The following PLPPR1 variants were observed in gnomAD, a reference collection of about 807,000 sequenced individuals.
PLPPR1 encodes the protein phospholipid phosphatase related 1.
A neutral mutation model predicts 33.1 loss-of-function variants in PLPPR1; 10 were observed. The observed-to-expected ratio is 0.30, with a 90% CI of 0.19 to 0.51. The LOEUF (loss-of-function observed/expected upper bound fraction) is 0.51, where lower values mean the gene tolerates loss of function less well. Ranked by LOEUF, PLPPR1 falls within the 20% of genes least tolerant of loss-of-function variation. The probability of loss-of-function intolerance (pLI) is 0.97; values close to 1 mark genes in which losing one functional copy is unlikely to be tolerated. For synonymous variants in PLPPR1, 151 were observed against 151.0 expected (o/e 1.00, Z 0.00); for missense variants, 304 against 408.1 (o/e 0.74, Z 2.20).
At position 101,296,309 on chromosome 9, in the gene PLPPR1, G is replaced by A. The variant is rs532319954; in HGVS notation, c.385+10073G>A. ...AAAAGTCAGGAAACAACAGGTGCTG[G>A]AGAGGATGTGCAGAAATAGGAACAC... On this transcript the variant is annotated intron_variant, in intron 4 of 7. Coordinates refer to ENST00000374874, the MANE Select transcript of PLPPR1 (RefSeq NM_207299.2). Among the ~76,000 whole-genome samples the A allele has an allele frequency of 2.6e-5, 4 of 152,010 alleles. No homozygotes were observed. In the South Asian group the frequency reaches 8.3e-4, roughly 32 times the overall value.
chr9:101,112,451 C>T (rs965743563), intron 1 of PLPPR1, among the ~76,000 whole-genome samples: 3 of 152,170 alleles, frequency 2.0e-5, no homozygotes. Flanking sequence ...CTATTGTTCT[C>T]ATCTAAAAAT....
intron 1 of PLPPR1, among the ~76,000 whole-genome samples, chr9:101,172,922 A>G (rs1391054455): frequency 1.3e-5 from 2 of 151,792 alleles, no homozygotes; most frequent in East Asian, 1.9e-4. Flanking sequence ...CTTGAATACC[A>G]TTGTCTCATT....
chr9:101,148,958 C>G (rs1831552273), intron 1 of PLPPR1, among the ~76,000 whole-genome samples: 1 of 152,202 alleles, frequency 6.6e-6, no homozygotes, highest in African/African-American at 2.4e-5. Context: ...TTTATTAGCA[C>G]TCTCTTCCCC....
intron 2 of PLPPR1, among the ~76,000 whole-genome samples, chr9:101,243,111 C>CAA (rs979481673): frequency 6.6e-6 from 1 of 151,888 alleles, no homozygotes. Flanking sequence ...AAGTGAGACA[C>CAA]ATGTAGGTAA....
At chr9:101,099,696 G>A (rs560971829) in intron 1 of PLPPR1, among the ~76,000 whole-genome samples, 9 of 152,246 alleles carry the variant, frequency 5.9e-5, no homozygotes, top group Admixed American at 3.9e-4. Flanking sequence ...ATGACCATGC[G>A]TATGTTATAT....
At chr9:101,216,964 A>G (rs908489940) in intron 2 of PLPPR1, among the ~76,000 whole-genome samples, 1 of 152,236 alleles carries the variant, frequency 6.6e-6, no homozygotes, top group African/African-American at 2.4e-5. Context: ...GACCAGTTAT[A>G]TATAAGAAAT....
At chr9:101,278,979 A>C (rs762983842) in intron 3 of PLPPR1, among the ~76,000 whole-genome samples, 2 of 152,198 alleles carry the variant, frequency 1.3e-5, no homozygotes, top group Non-Finnish European at 2.9e-5. Context: ...CAAAGACTGG[A>C]ATAAGTACCT....
Position 101,147,723 on chromosome 9 carries a change from G to C in PLPPR1, c.-45-37727G>C, listed in dbSNP as rs114926376. On this transcript the variant is annotated intron_variant, in intron 1 of 7. Transcript: ENST00000374874. ...GGGGAAGGGCCCCAGGCACCCATTT[G>C]CTGTTTACACATCTCATGCTCTTTG... Among the ~76,000 whole-genome samples, 514 of 152,282 alleles carry C rather than the reference G, an allele frequency of 3.4e-3. 3 individuals are homozygous for C. The highest frequency in any genetic ancestry group is 0.012 in the African/African-American group (490 of 41,542).
chr9:101,272,738 C>A (rs1025097398), intron 3 of PLPPR1, among the ~76,000 whole-genome samples: 1 of 152,150 alleles, frequency 6.6e-6, no homozygotes, highest in African/African-American at 2.4e-5. Flanking sequence ...AAGGATACAG[C>A]ATTTTTCTCA....
intron 1 of PLPPR1, among the ~76,000 whole-genome samples, chr9:101,159,286 T>A (rs1831741830): frequency 1.3e-5 from 2 of 152,210 alleles, no homozygotes; most frequent in Non-Finnish European, 2.9e-5. Flanking sequence ...AATATAGGCA[T>A]TGGCCTCAAA....
At chr9:101,221,458 C>T (rs1196693951) in intron 2 of PLPPR1, among the ~76,000 whole-genome samples, 1 of 152,218 alleles carries the variant, frequency 6.6e-6, no homozygotes, top group Admixed American at 6.6e-5. Flanking sequence ...GCTGGAACCT[C>T]TGGCTCACAG....
intron 1 of PLPPR1, among the ~76,000 whole-genome samples, chr9:101,102,301 C>A (rs1205686616): frequency 8.9e-6 from 1 of 112,394 alleles, no homozygotes; most frequent in South Asian, 3.4e-4. Flanking sequence ...CCCCATCCCC[C>A]GACCCCACCA....
At chr9:101,283,882 C>T (rs376790011) in intron 3 of PLPPR1, among the ~76,000 whole-genome samples, 1 of 151,872 alleles carries the variant, frequency 6.6e-6, no homozygotes, top group East Asian at 1.9e-4. Context: ...AAAAAAAATG[C>T]TCAGTATCAC....
chr9:101,038,888 A>C (rs1356129418), intron 1 of PLPPR1, among the ~76,000 whole-genome samples: 1 of 152,014 alleles, frequency 6.6e-6, no homozygotes, highest in Non-Finnish European at 1.5e-5. Context: ...ATAGAATAAC[A>C]CTTCGAAGTT....
intron 2 of PLPPR1, among the ~76,000 whole-genome samples, chr9:101,234,221 C>G (rs550813432): frequency 6.6e-6 from 1 of 152,006 alleles, no homozygotes; most frequent in South Asian, 2.1e-4. Context: ...TTTTCTCCCC[C>G]CTACTGTTTG....
chr9:101,233,039 C>T (rs559048651), intron 2 of PLPPR1, among the ~76,000 whole-genome samples: 1 of 152,152 alleles, frequency 6.6e-6, no homozygotes, highest in South Asian at 2.1e-4. Flanking sequence ...AGATTCCAAA[C>T]CTGTGTTGGA....
intron 1 of PLPPR1, among the ~76,000 whole-genome samples, chr9:101,127,582 C>G (rs1220133441): frequency 1.3e-5 from 2 of 152,186 alleles, no homozygotes; most frequent in Non-Finnish European, 2.9e-5. Context: ...ACTCAAGATA[C>G]AATCAATCCT....
chr9:101,122,038 ATAGT>A (rs1564150674), intron 1 of PLPPR1, among the ~76,000 whole-genome samples: 1 of 152,236 alleles, frequency 6.6e-6, no homozygotes, highest in Non-Finnish European at 1.5e-5. Context: ...GCATGTCCAA[ATAGT>A]TAGCCTTTGG....
At chr9:101,111,671 G>A (rs1831059045) in intron 1 of PLPPR1, among the ~76,000 whole-genome samples, 1 of 152,152 alleles carries the variant, frequency 6.6e-6, no homozygotes, top group Admixed American at 6.5e-5. Context: ...AGCACTGTCA[G>A]TTACTTTGTG....
Sources: gnomAD v4.1 joint callset for allele counts (sites outside exome capture counted in the v4.1 genomes callset) on GRCh38, gnomAD v4.1.1 for gene constraint, MANE v1.5 for transcripts, NCBI Gene and HGNC (gene_info 2026-07-23, HGNC 2026-07-21) for gene names.